The following CRYBG3 variants were observed in gnomAD, a reference collection of about 807,000 sequenced individuals.
CRYBG3 encodes very large A-kinase anchor protein.
A neutral mutation model predicts 244.2 loss-of-function variants in CRYBG3; 127 were observed. The observed-to-expected ratio is 0.52, with a 90% CI of 0.45 to 0.60. The LOEUF is 0.60. Ranked by LOEUF, CRYBG3 falls within the 20% of genes least tolerant of loss-of-function variation. The probability of loss-of-function intolerance (pLI) is 0.00; values close to 1 mark genes in which losing one functional copy is unlikely to be tolerated. For synonymous variants in CRYBG3, 1,132 were observed against 1,195.8 expected (o/e 0.95, Z 1.10); for missense variants, 3,325 against 3,442.5 (o/e 0.97, Z 0.85).
At chr3:97,934,989 A>G (rs1275411855) in intron 18 of CRYBG3, among the ~76,000 whole-genome samples, 1 of 151,950 alleles carries the variant, frequency 6.6e-6, no homozygotes, top group Non-Finnish European at 1.5e-5. Context: ...TCTTTGGCTT[A>G]TTAGCCACCT....
chr3:97,935,848 G>A (rs1246444022), intron 18 of CRYBG3, among the ~76,000 whole-genome samples: 1 of 151,980 alleles, frequency 6.6e-6, no homozygotes, highest in Admixed American at 6.6e-5. Flanking sequence ...CTCCCTTGGT[G>A]CAAGCCAGGA....
At position 97,882,698 on chromosome 3, in the gene CRYBG3, G is replaced by C. The variant is rs2039464337; in HGVS notation, c.7152+1479G>C. ...GAGATTTCATTTATATACATAAAAAGTATAAATTGAGATGAAAACTATCAT... is the reference window on the plus strand; with the variant it reads ...GAGATTTCATTTATATACATAAAAACTATAAATTGAGATGAAAACTATCAT... On this transcript the variant is annotated intron_variant, in intron 7 of 21. Transcript: ENST00000389622. 3.3e-5 allele frequency among the ~76,000 whole-genome samples: 5 copies of C among 152,232 alleles called. No individual in the cohort carries two copies. The South Asian group carries it at 8.3e-4, about 25-fold the overall frequency.
intron 1 of CRYBG3, among the ~76,000 whole-genome samples, chr3:97,833,061 CAA>C (rs370750084): frequency 6.2e-4 from 94 of 152,234 alleles, no homozygotes; most frequent in African/African-American, 1.8e-3. Flanking sequence ...CATCAGGAAA[CAA>C]GAGATACTGG....
chr3:97,846,892 T>C (rs1164113871), intron 2 of CRYBG3, among the ~76,000 whole-genome samples: 1 of 152,172 alleles, frequency 6.6e-6, no homozygotes, highest in Non-Finnish European at 1.5e-5. Flanking sequence ...AAAAAATACC[T>C]GAGACTGGGT....
At chr3:97,902,007 A>T (rs1175236457) in intron 15 of CRYBG3, among the ~76,000 whole-genome samples, 1 of 152,162 alleles carries the variant, frequency 6.6e-6, no homozygotes, top group East Asian at 1.9e-4. Context: ...AGGTCTTGTT[A>T]TTTTCAGTGG....
intron 2 of CRYBG3, among the ~76,000 whole-genome samples, chr3:97,854,448 C>T (rs1199104074): frequency 6.6e-6 from 1 of 152,006 alleles, no homozygotes; most frequent in Non-Finnish European, 1.5e-5. Context: ...GCAGTATGGT[C>T]GTTTTCACAA....
Position 97,943,575 on chromosome 3 carries a change from G to GC in CRYBG3, c.*262dup, listed in dbSNP as rs1430356870. On this transcript the variant is annotated 3_prime_UTR_variant, in exon 22 of 22. Transcript: ENST00000389622. The stretch of plus-strand genomic sequence containing the variant: ...TATTCCTGATCTCCAGCTGTGGTGA[G>GC]CAAGTTTCCTGAAGTGTTTATTTTC... 2 of 401,522 alleles carry GC rather than the reference G, an allele frequency of 5.0e-6. No individual in the cohort carries two copies. The highest frequency in any genetic ancestry group is 8.8e-6 in the Non-Finnish European group (2 of 227,346). 24.9% of individuals were successfully genotyped at this position (401,522 alleles called of 1,614,324 possible).
Position 97,868,446 on chromosome 3 carries a change from A to G in CRYBG3, c.648-3396A>G, listed in dbSNP as rs920102365. ...ATTAGTACCTGAAGGGACTCACTAT[A>G]ATATATGAAGCTGAACTTGTCACTT... is the stretch of plus-strand genomic sequence containing the variant. On this transcript the variant is annotated intron_variant, in intron 3 of 21. Coordinates refer to ENST00000389622, the MANE Select transcript of CRYBG3 (RefSeq NM_153605.4). Among the ~76,000 whole-genome samples the G allele has an allele frequency of 5.3e-5, 8 of 152,168 alleles. No individual in the cohort carries two copies. In the South Asian group the frequency reaches 1.0e-3, roughly 20 times the overall value.
At chr3:97,864,994 T>C (rs1366953048) in intron 3 of CRYBG3, among the ~76,000 whole-genome samples, 2 of 152,204 alleles carry the variant, frequency 1.3e-5, no homozygotes, top group African/African-American at 4.8e-5. Context: ...ATTCTTATTC[T>C]GTCAATATCT....
intron 2 of CRYBG3, among the ~76,000 whole-genome samples, chr3:97,848,550 C>T (rs1295315427): frequency 3.3e-5 from 5 of 152,150 alleles, no homozygotes; most frequent in Admixed American, 2.6e-4. Context: ...ATCCGCCTGC[C>T]TCAGCCTCCC....
At position 97,822,348 on chromosome 3, in the gene CRYBG3, G is replaced by T; in HGVS notation, c.142G>T (p.Ala48Ser). ...TSPPPAPGRS[A>S]ASVENEPMST... Reference sequence around the variant, plus strand: ...CCCGCCTCCAGCTCCAGGCCGGTCCGCTGCCAGGTGGGAGTCGAGGAGGGG... The same window carrying T: ...CCCGCCTCCAGCTCCAGGCCGGTCCTCTGCCAGGTGGGAGTCGAGGAGGGG... Residue 48 changes from alanine (A) to serine (S), a missense_variant, in exon 1 of 22, where the codon GCT becomes TCT. Coordinates refer to ENST00000389622, the MANE Select transcript of CRYBG3 (RefSeq NM_153605.4). The T allele has an allele frequency of 6.7e-7, 1 of 1,501,202 alleles. No individual in the cohort carries two copies. Among genetic ancestry groups the T allele is most frequent in the Non-Finnish European group, 8.9e-7 (1 of 1,128,822 alleles). The allele number at this position is 1,501,202 out of a possible 1,614,324, so 93.0% of individuals were successfully genotyped here. A position where few individuals can be genotyped will look rare whatever the true frequency, so the allele number is the denominator to read the frequency against.
intron 5 of CRYBG3, 30 bp from the exon 6 acceptor site, chr3:97,879,955 A>G: frequency 8.7e-7 from 1 of 1,148,082 alleles, no homozygotes; most frequent in South Asian, 1.3e-5. Context: ...TAGTTATTGT[A>G]ACTACTTACT....
rs2039341201 is a variant in CRYBG3, at chr3:97,874,153, G to T, written c.2959G>T (p.Glu987Ter). ...KKISGHSEMAELSLTNISPKF... is the reference protein window; with the variant it reads ...KKISGHSEMA Reference sequence around the variant, plus strand: ...GATTTCTGGTCACTCAGAAATGGCGGAACTCAGCTTAACTAATATTTCCCC... The same window carrying T: ...GATTTCTGGTCACTCAGAAATGGCGTAACTCAGCTTAACTAATATTTCCCC... The change falls in exon 4 of 22, where the codon GAA becomes TAA. Residue 987 changes from glutamate (E) to a stop codon, truncating the protein, a stop_gained. Coordinates refer to ENST00000389622, the MANE Select transcript of CRYBG3 (RefSeq NM_153605.4). LOFTEE classifies it high-confidence loss of function. The T allele has an allele frequency of 6.5e-7, 1 of 1,532,768 alleles. No individual in the cohort carries two copies. The highest frequency in any genetic ancestry group is 8.7e-7 in the Non-Finnish European group (1 of 1,146,062). 94.9% of individuals were successfully genotyped at this position (1,532,768 alleles called of 1,614,324 possible). A position where few individuals can be genotyped will look rare whatever the true frequency, so the allele number is the denominator to read the frequency against.
rs952470340 is a variant in CRYBG3, at chr3:97,822,046, T to G, written c.-161T>G. The stretch of plus-strand genomic sequence containing the variant: ...GCTGCCGCGCGAGGAGCGCGTCGCG[T>G]CCGCACTTCTCCTGCCCGAGAGAGA... On this transcript the variant is annotated 5_prime_UTR_variant, in exon 1 of 22. Coordinates refer to ENST00000389622, the MANE Select transcript of CRYBG3 (RefSeq NM_153605.4). The G allele has an allele frequency of 4.7e-5, 23 of 488,834 alleles. No individual in the cohort carries two copies. The Admixed American group carries it at 7.9e-4, about 17-fold the overall frequency. The allele number at this position is 488,834 out of a possible 1,614,324, so 30.3% of individuals were successfully genotyped here. A position where few individuals can be genotyped will look rare whatever the true frequency, so the allele number is the denominator to read the frequency against.
intron 17 of CRYBG3, among the ~76,000 whole-genome samples, chr3:97,924,822 T>G (rs2040021328): frequency 6.6e-6 from 1 of 152,154 alleles, no homozygotes; most frequent in Non-Finnish European, 1.5e-5. Flanking sequence ...AAAGTACCTC[T>G]TGACCATGTT....
chr3:97,890,306 G>A (rs978224675), intron 10 of CRYBG3, among the ~76,000 whole-genome samples: 1 of 152,174 alleles, frequency 6.6e-6, no homozygotes, highest in African/African-American at 2.4e-5. Flanking sequence ...AGAGTCCTAG[G>A]TGATTCTATT....
In CRYBG3 at chr3:97,874,147, A is replaced by G; in HGVS notation, c.2953A>G (p.Met985Val). ...TAAAAAGATTTCTGGTCACTCAGAAATGGCGGAACTCAGCTTAACTAATAT... is the reference window on the plus strand; with the variant it reads ...TAAAAAGATTTCTGGTCACTCAGAAGTGGCGGAACTCAGCTTAACTAATAT... ...GTKKISGHSE[M>V]AELSLTNISP... is the part of the protein sequence containing the mutation. The change falls in exon 4 of 22, where the codon ATG becomes GTG. Residue 985 changes from methionine to valine, a missense_variant. By Grantham distance (21) the Met-to-Val change is conservative. Around this residue, in one of 4 missense-constraint regions of CRYBG3, gnomAD observed 1,526 missense variants for 1,443.2 expected, o/e 1.06. Coordinates refer to ENST00000389622, the MANE Select transcript of CRYBG3 (RefSeq NM_153605.4). 1 of 1,533,446 alleles carries G rather than the reference A, an allele frequency of 6.5e-7. No homozygotes were observed. The highest frequency in any genetic ancestry group is 8.7e-7 in the Non-Finnish European group (1 of 1,146,190). The allele number at this position is 1,533,446 out of a possible 1,614,324, so 95.0% of individuals were successfully genotyped here.
In CRYBG3 at chr3:97,877,655, A is replaced by G. The variant is rs775106340; in HGVS notation, c.6461A>G (p.Glu2154Gly). The G allele has an allele frequency of 6.2e-7, 1 of 1,614,022 alleles. No individual in the cohort carries two copies. Among genetic ancestry groups the G allele is most frequent in the African/African-American group, 1.3e-5 (1 of 74,910 alleles). Residue 2154 changes from glutamate (E) to glycine (G), a missense_variant, in exon 4 of 22, where the codon GAG (glutamate) becomes GGG (glycine). This residue lies in a region of CRYBG3 where 450 missense variants were observed against 424.1 expected (regional missense o/e 1.06). Transcript: ENST00000389622. ...GCTGATGAGGAAGAAGAGGAGGAGG[A>G]GGCAGCAGTATTGCATAAAGGAGAT... is the stretch of plus-strand genomic sequence containing the variant. The part of the protein sequence containing the change: ...EAADEEEEEE[E>G]AAVLHKGDLR...
rs779885038 is a variant in CRYBG3 at position 97,943,448 on chromosome 3, A to C, written c.*134A>C. On this transcript the variant is annotated 3_prime_UTR_variant, in exon 22 of 22. Transcript: ENST00000389622. ...ACTGAGCAGAATGAACATTTTCTCC[A>C]GCCTCTGAGACTATCGCTCTTAACC... 3 of 635,886 alleles carry C rather than the reference A, an allele frequency of 4.7e-6. No individual in the cohort carries two copies. The highest frequency in any genetic ancestry group is 8.3e-6 in the Non-Finnish European group (3 of 362,892). 39.4% of individuals were successfully genotyped at this position (635,886 alleles called of 1,614,324 possible).
Sources: allele counts gnomAD v4.1 joint callset (sites outside exome capture counted in the v4.1 genomes callset), GRCh38; gene constraint gnomAD v4.1.1; regional missense constraint gnomAD v4.1.1; transcripts MANE v1.5; gene names NCBI Gene and HGNC (gene_info 2026-07-23, HGNC 2026-07-21).